Variants in TNRC6B observed in about 807,000 individuals in gnomAD.
The protein encoded by TNRC6B is trinucleotide repeat-containing gene 6B protein.
In TNRC6B, 52 loss-of-function variants were observed where a neutral mutation model predicts 203.6. That is an observed-to-expected ratio of 0.26 (90% CI 0.20 to 0.32). The LOEUF (loss-of-function observed/expected upper bound fraction) is 0.32, where lower values mean the gene tolerates loss of function less well. TNRC6B is among the 10% of genes least tolerant of loss of function. The pLI is 1.00. For synonymous variants in TNRC6B, 838 were observed against 845.7 expected, an observed-to-expected ratio of 0.99 and a Z score of 0.16; for missense variants, 1,923 against 2,286.2, an observed-to-expected ratio of 0.84 and a Z score of 3.24.
intron 1 of TNRC6B, among the ~76,000 whole-genome samples, chr22:40,092,270 G>A (rs111630329): frequency 1.3e-5 from 2 of 152,008 alleles, no homozygotes; most frequent in Non-Finnish European, 2.9e-5. Context: ...GGTCATGGTG[G>A]TATGTGCCTG....
chr22:40,274,793 C>T (rs1477764614), intron 7 of TNRC6B, among the ~76,000 whole-genome samples: 1 of 152,156 alleles, frequency 6.6e-6, no homozygotes, highest in Non-Finnish European at 1.5e-5. Context: ...TGTGAAAGTC[C>T]TCATCACAGT....
chr22:40,285,825 C>G, intron 12 of TNRC6B, 55 bp downstream of exon 12: 1 of 1,595,148 alleles, frequency 6.3e-7, no homozygotes, highest in Non-Finnish European at 8.6e-7. Flanking sequence ...CACATCATTA[C>G]CAGTTGTTAA....
rs1053715184 is a variant in TNRC6B, at chr22:40,184,542, G to C, written c.5+6402G>C. On this transcript the variant is annotated intron_variant, in intron 1 of 22. Coordinates refer to ENST00000454349, the MANE Select transcript of TNRC6B (RefSeq NM_001162501.2). Reference sequence around the variant, plus strand: ...GTCTTTTTCCTGAGAACAGTTGAAGGGTTTTAAGTGGGAAAGTCACTTGTT... The same window carrying C: ...GTCTTTTTCCTGAGAACAGTTGAAGCGTTTTAAGTGGGAAAGTCACTTGTT... 1.7e-4 allele frequency among the ~76,000 whole-genome samples: 26 copies of C among 152,304 alleles called. 2 individuals are homozygous for C. The highest frequency in any genetic ancestry group is 1.4e-3 in the Admixed American group (21 of 15,290).
At chr22:40,264,533 T>A (rs1202187966) in intron 4 of TNRC6B, among the ~76,000 whole-genome samples, 155 bp from the exon 5 acceptor site, 1 of 151,616 alleles carries the variant, frequency 6.6e-6, no homozygotes, top group Non-Finnish European at 1.5e-5. Flanking sequence ...AAAAAAGAGA[T>A]GACTAAGACA....
intron 1 of TNRC6B, among the ~76,000 whole-genome samples, chr22:40,203,292 C>T (rs929615444): frequency 2.0e-5 from 3 of 152,070 alleles, no homozygotes; most frequent in African/African-American, 7.2e-5. Context: ...TGGCCCACCC[C>T]CTTAATGGAT....
In TNRC6B at chr22:40,281,124, T is replaced by C. The variant is rs1174893627; in HGVS notation, c.3417T>C (p.Thr1139=). ...TDSGPYFEKL[T]LPFSNQDGCL... ...TAACTCCTACTACTTTTCAGCTGACTTTGCCTTTCTCCAATCAAGATGGGT... is the reference window on the plus strand; with the variant it reads ...TAACTCCTACTACTTTTCAGCTGACCTTGCCTTTCTCCAATCAAGATGGGT... Residue 1139 remains threonine (T), a synonymous_variant, in exon 11 of 23, where the codon ACT becomes ACC. Transcript: ENST00000454349. The C allele has an allele frequency of 3.2e-6, 5 of 1,548,958 alleles. No homozygotes were observed. The Admixed American group carries it at 9.9e-5, about 31-fold the overall frequency.
intron 15 of TNRC6B, among the ~76,000 whole-genome samples, chr22:40,305,445 G>A (rs1056819680): frequency 2.6e-5 from 4 of 152,178 alleles, no homozygotes; most frequent in African/African-American, 9.7e-5. Flanking sequence ...TTAGAGATAC[G>A]ACAGCTTGTA....
At chr22:40,088,804 TGA>T (rs577608694) in intron 1 of TNRC6B, among the ~76,000 whole-genome samples, 237 of 152,110 alleles carry the variant, frequency 1.6e-3, no homozygotes, top group African/African-American at 4.4e-3. Context: ...TTAAAAATTA[TGA>T]GAGAAGGAGG....
Position 40,266,696 on chromosome 22 carries a change from G to A in TNRC6B, c.2466G>A (p.Gln822=). The A allele has an allele frequency of 6.2e-7, 1 of 1,613,918 alleles. No homozygotes were observed. Among genetic ancestry groups the A allele is most frequent in the Non-Finnish European group, 8.5e-7 (1 of 1,179,836 alleles). ...ATTCCTGGAATAAACAACACCAACA[G>A]CAGCAGCCCCCACAGCAGCCGCCGC... is the stretch of plus-strand genomic sequence containing the variant. ...QPNSWNKQHQ[Q]QQPPQQPPPP... is the part of the protein sequence containing the mutation. Residue 822 remains glutamine (Q), a synonymous_variant, in exon 5 of 23, where the codon CAG becomes CAA. Transcript: ENST00000454349.
chr22:40,323,616 GA>G lies in TNRC6B; in HGVS notation c.*378del, dbSNP rs2071367597. 6.1e-6 allele frequency: 1 copy of G among 163,266 alleles called. No homozygotes were observed. Among genetic ancestry groups the G allele is most frequent in the South Asian group, 1.5e-4 (1 of 6,836 alleles). The allele number at this position is 163,266 out of a possible 1,614,324, so 10.1% of individuals were successfully genotyped here. ...CATGTTATATGGAAGTTGTTGCTAA[GA>G]AACATATATACTGAAAAAAAATAGC... On this transcript the variant is annotated 3_prime_UTR_variant, in exon 23 of 23. Transcript: ENST00000454349.
intron 1 of TNRC6B, among the ~76,000 whole-genome samples, chr22:40,111,514 A>G (rs967642326): frequency 2.0e-5 from 3 of 152,232 alleles, no homozygotes; most frequent in African/African-American, 7.2e-5. Flanking sequence ...AGTCAGTGGC[A>G]GTAGGAATAA....
In TNRC6B at chr22:40,300,705, C is replaced by T. The variant is rs2071011684; in HGVS notation, c.3840+119C>T. The T allele has an allele frequency of 1.2e-5, 16 of 1,368,136 alleles. 1 individual carries two copies. The South Asian group carries it at 2.4e-4, about 20-fold the overall frequency. The allele number at this position is 1,368,136 out of a possible 1,614,324, so 84.7% of individuals were successfully genotyped here. On this transcript the variant is annotated intron_variant, in intron 13 of 22. Coordinates refer to ENST00000454349, the MANE Select transcript of TNRC6B (RefSeq NM_001162501.2). ...TATGTTCAAAGGGTGCTAGTCCACACTTCTTTGCAAACTATGGAGTGTGCT... is the reference window on the plus strand; with the variant it reads ...TATGTTCAAAGGGTGCTAGTCCACATTTCTTTGCAAACTATGGAGTGTGCT...
At chr22:40,290,557 G>A (rs2070856374) in intron 12 of TNRC6B, among the ~76,000 whole-genome samples, 1 of 152,180 alleles carries the variant, frequency 6.6e-6, no homozygotes, top group South Asian at 2.1e-4. Flanking sequence ...CTTCCCAGAT[G>A]GCAGCATGGC....
chr22:40,111,936 A>G (rs2068338987), intron 1 of TNRC6B, among the ~76,000 whole-genome samples: 1 of 152,168 alleles, frequency 6.6e-6, no homozygotes, highest in Admixed American at 6.5e-5. Context: ...CCCCAACTCT[A>G]CTAAAAATAC....
At position 40,265,557 on chromosome 22, in the gene TNRC6B, T is replaced by C; in HGVS notation, c.1327T>C (p.Ser443Pro). ...GTDTVSGQSN[S>P]GNNGNNGKER... ...TGACACAGTCTCTGGACAAAGCAAT[T>C]CTGGAAACAATGGGAACAATGGAAA... Residue 443 changes from serine to proline, a missense_variant, in exon 5 of 23, where the codon TCT becomes CCT. Physicochemically the swap from Ser to Pro is moderately conservative, Grantham distance 74. Around this residue, in one of 8 missense-constraint regions of TNRC6B, gnomAD observed 614 missense variants for 587.7 expected, o/e 1.04. Coordinates refer to ENST00000454349, the MANE Select transcript of TNRC6B (RefSeq NM_001162501.2). 6.2e-7 allele frequency: 1 copy of C among 1,613,772 alleles called. No individual in the cohort carries two copies. Among genetic ancestry groups the C allele is most frequent in the Non-Finnish European group, 8.5e-7 (1 of 1,179,804 alleles).
chr22:40,198,007 A>AT (rs1406801424), intron 1 of TNRC6B, among the ~76,000 whole-genome samples: 2 of 152,160 alleles, frequency 1.3e-5, no homozygotes, highest in African/African-American at 4.8e-5. Flanking sequence ...TGAAAAACCA[A>AT]TTGATTAATA....
chr22:40,306,223 C>T lies in TNRC6B; in HGVS notation c.4121-2289C>T, dbSNP rs187867722. ...CAGGAAAATCGCTTGAACCCAGAGG[C>T]GAAGGTTGCAGTGAGCCAAGATTGT... On this transcript the variant is annotated intron_variant, in intron 15 of 22. Transcript: ENST00000454349. Among the ~76,000 whole-genome samples, 3 of 152,052 alleles carry T rather than the reference C, an allele frequency of 2.0e-5. No homozygotes were observed. In the South Asian group the frequency reaches 6.2e-4, roughly 32 times the overall value.
At chr22:40,219,165 C>G (rs552100783) in intron 1 of TNRC6B, among the ~76,000 whole-genome samples, 1 of 152,160 alleles carries the variant, frequency 6.6e-6, no homozygotes, top group East Asian at 1.9e-4. Context: ...CCTGGGAGAC[C>G]GGGCTGAGCC....
rs1357137250 is a variant in TNRC6B at position 40,328,533 on chromosome 22, T to C, written c.*5292T>C. 1 of 148,156 alleles carries C rather than the reference T, an allele frequency of 6.7e-6. No homozygotes were observed. The highest frequency in any genetic ancestry group is 6.7e-5 in the Admixed American group (1 of 14,836). The allele number at this position is 148,156 out of a possible 1,614,324, so 9.2% of individuals were successfully genotyped here. Reference sequence around the variant, plus strand: ...GCAACTATTCACTCATTTTTACCACTTTTTTTTTTGGGTGAGGGGGTGATT... The same window carrying C: ...GCAACTATTCACTCATTTTTACCACCTTTTTTTTTGGGTGAGGGGGTGATT... On this transcript the variant is annotated 3_prime_UTR_variant, in exon 23 of 23. Coordinates refer to ENST00000454349, the MANE Select transcript of TNRC6B (RefSeq NM_001162501.2).
Sources: gnomAD v4.1 joint callset for allele counts (sites outside exome capture counted in the v4.1 genomes callset) on GRCh38, gnomAD v4.1.1 for gene constraint, gnomAD v4.1.1 regional missense constraint, MANE v1.5 for transcripts, NCBI Gene and HGNC (gene_info 2026-07-23, HGNC 2026-07-21) for gene names.